The following CNTNAP5 variants were observed in gnomAD, a reference collection of about 807,000 sequenced individuals.
CNTNAP5 encodes contactin associated protein family member 5, also known as contactin-associated protein-like 5.
Under a neutral mutation model 150.2 loss-of-function variants are expected in CNTNAP5, and 72 were observed. That is an observed-to-expected ratio of 0.48 (90% CI 0.40 to 0.58). CNTNAP5 has a LOEUF of 0.58. Among genes scored for constraint, CNTNAP5 ranks in the 20% least tolerant of loss-of-function variants. CNTNAP5 has a pLI of 0.00. For synonymous variants in CNTNAP5, 672 were observed against 619.8 expected, an observed-to-expected ratio of 1.08 and a Z score of -1.25; for missense variants, 1,636 against 1,626.2, an observed-to-expected ratio of 1.01 and a Z score of -0.10.
chr2:124,247,132 G>A (rs181202967), intron 3 of CNTNAP5, among the ~76,000 whole-genome samples: 18 of 152,244 alleles, frequency 1.2e-4, no homozygotes, highest in Admixed American at 4.6e-4. Flanking sequence ...GATGCTCTCT[G>A]ATCTTCATGA....
In CNTNAP5 at chr2:124,110,021, C is replaced by T. The variant is rs144123020; in HGVS notation, c.82+84289C>T. Among the ~76,000 whole-genome samples the T allele has an allele frequency of 7.2e-5, 11 of 152,300 alleles. No homozygotes were observed. The East Asian group carries it at 2.1e-3, about 29-fold the overall frequency. ...CTCACAAGTACTATTGTAGGCTATT[C>T]TAAGTAGGCCACACATGTGTTCAGT... On this transcript the variant is annotated intron_variant, in intron 1 of 23. Transcript: ENST00000682447.
chr2:124,185,833 G>A (rs1341840751), intron 1 of CNTNAP5, among the ~76,000 whole-genome samples: 1 of 152,180 alleles, frequency 6.6e-6, no homozygotes, highest in Non-Finnish European at 1.5e-5. Flanking sequence ...GAGGGGGATT[G>A]TGAGCAGGTC....
intron 10 of CNTNAP5, among the ~76,000 whole-genome samples, chr2:124,528,516 G>A (rs1394798502): frequency 2.0e-5 from 3 of 152,158 alleles, no homozygotes; most frequent in Non-Finnish European, 2.9e-5. Flanking sequence ...TTTGGCATTT[G>A]AAGGCATTTG....
At chr2:124,801,097 C>G (rs903087221) in intron 19 of CNTNAP5, among the ~76,000 whole-genome samples, 1 of 152,130 alleles carries the variant, frequency 6.6e-6, no homozygotes, top group Non-Finnish European at 1.5e-5. Context: ...GGGAAAGATA[C>G]CCTGATTTAG....
intron 10 of CNTNAP5, among the ~76,000 whole-genome samples, chr2:124,547,821 G>A (rs137995849): frequency 6.6e-6 from 1 of 152,272 alleles, no homozygotes; most frequent in African/African-American, 2.4e-5. Context: ...GGGAGGGTGA[G>A]TGAAATCAAC....
chr2:124,707,203 AG>A (rs1679708376), intron 13 of CNTNAP5, among the ~76,000 whole-genome samples: 2 of 146,056 alleles, frequency 1.4e-5, no homozygotes, highest in Admixed American at 1.4e-4. Flanking sequence ...AAGAAGAAGA[AG>A]AATAAACAAC....
chr2:124,609,742 C>T, intron 11 of CNTNAP5, 59 bp from the exon 12 acceptor site: 1 of 1,579,136 alleles, frequency 6.3e-7, no homozygotes, highest in Non-Finnish European at 8.6e-7. Flanking sequence ...TTACTGATTC[C>T]TGCAAAGGGA....
intron 17 of CNTNAP5, among the ~76,000 whole-genome samples, chr2:124,785,598 T>C (rs1171640249): frequency 1.3e-5 from 2 of 151,952 alleles, no homozygotes; most frequent in Non-Finnish European, 2.9e-5. Context: ...AGGTGCAAAG[T>C]CTAGATAGGC....
At chr2:124,872,294 C>G (rs894986027) in intron 21 of CNTNAP5, among the ~76,000 whole-genome samples, 3 of 151,288 alleles carry the variant, frequency 2.0e-5, no homozygotes, top group Non-Finnish European at 4.4e-5. Flanking sequence ...CTGATAATTC[C>G]AACATCTGAA....
intron 1 of CNTNAP5, among the ~76,000 whole-genome samples, chr2:124,217,600 C>T (rs1316819518): frequency 6.6e-6 from 1 of 152,138 alleles, no homozygotes; most frequent in African/African-American, 2.4e-5. Context: ...TATTACCCCT[C>T]CACTTCACCT....
At chr2:124,524,170 T>C (rs1032736431) in intron 8 of CNTNAP5, 133 bp from the exon 9 acceptor site, 25 of 746,040 alleles carry the variant, frequency 3.4e-5, no homozygotes, top group Middle Eastern at 3.8e-4. Context: ...TTCCAAGGGC[T>C]TGTATCCAGC....
intron 1 of CNTNAP5, among the ~76,000 whole-genome samples, chr2:124,030,358 T>C (rs1048084179): frequency 1.3e-5 from 2 of 152,160 alleles, no homozygotes; most frequent in Non-Finnish European, 2.9e-5. Flanking sequence ...TAGGTATACT[T>C]ACAGATCCAG....
intron 3 of CNTNAP5, among the ~76,000 whole-genome samples, chr2:124,391,041 G>A (rs779227512): frequency 5.9e-5 from 9 of 152,252 alleles, no homozygotes; most frequent in Admixed American, 3.3e-4. Flanking sequence ...AACCAGCGGC[G>A]GTTTAAATCT....
chr2:124,694,272 C>T (rs370334371), intron 13 of CNTNAP5, among the ~76,000 whole-genome samples: 1 of 151,980 alleles, frequency 6.6e-6, no homozygotes, highest in Non-Finnish European at 1.5e-5. Flanking sequence ...TTATTTAGTT[C>T]TTTGATGAGG....
Position 124,474,842 on chromosome 2 carries a change from T to C in CNTNAP5, c.1022T>C (p.Ile341Thr), listed in dbSNP as rs1346149580. The C allele has an allele frequency of 1.1e-5, 18 of 1,607,036 alleles. No individual in the cohort carries two copies. The highest frequency in any genetic ancestry group is 1.4e-5 in the Non-Finnish European group (17 of 1,177,818). Residue 341 changes from isoleucine (I) to threonine (T), a missense_variant, in exon 7 of 24, where the codon ATT (isoleucine) becomes ACT (threonine). Coordinates refer to ENST00000682447, the MANE Select transcript of CNTNAP5 (RefSeq NM_001367498.1). ...CTTTACTACAATGGAGTAAACATAA[T>C]TGACCTGGCTAAGAGACGAAAGCAT... ...ENLYYNGVNI[I>T]DLAKRRKHQI...
Position 124,390,839 on chromosome 2 carries a change from C to T in CNTNAP5, c.382-26604C>T, listed in dbSNP as rs59234825. 1.7e-3 allele frequency among the ~76,000 whole-genome samples: 264 copies of T among 152,206 alleles called. 1 individual carries two copies. The highest frequency in any genetic ancestry group is 6.1e-3 in the African/African-American group (255 of 41,534). On this transcript the variant is annotated intron_variant, in intron 3 of 23. Coordinates refer to ENST00000682447, the MANE Select transcript of CNTNAP5 (RefSeq NM_001367498.1). ...TACAATATATAAAAACCAGGCTCAA[C>T]AATATTTTTGTACAACATTCAGGAA...
At chr2:124,244,249 GT>G (rs1254549989) in intron 3 of CNTNAP5, among the ~76,000 whole-genome samples, 1 of 152,038 alleles carries the variant, frequency 6.6e-6, no homozygotes, top group African/African-American at 2.4e-5. Context: ...CTTTCCCTGT[GT>G]TTCTAAATGA....
In CNTNAP5 at chr2:124,706,846, G is replaced by GAA. The variant is rs1558743148; in HGVS notation, c.2078-40383_2078-40382insAA. Among the ~76,000 whole-genome samples, 98 of 45,642 alleles carry GAA rather than the reference G, an allele frequency of 2.1e-3. 9 individuals are homozygous for GAA. Among genetic ancestry groups the GAA allele is most frequent in the African/African-American group, 9.1e-3 (97 of 10,664 alleles). The allele number at this position is 45,642 out of a possible 152,430, so 29.9% of individuals were successfully genotyped here. A position where few individuals can be genotyped will look rare whatever the true frequency, so the allele number is the denominator to read the frequency against. ...GGAGGAAGAGGAGGAGGGGGAGGAA[G>GAA]GAGGAGGAGGAGAAGGAGAAGGGGA... On this transcript the variant is annotated intron_variant, in intron 13 of 23. Transcript: ENST00000682447.
intron 2 of CNTNAP5, among the ~76,000 whole-genome samples, chr2:124,232,760 T>C (rs1686654907): frequency 6.6e-6 from 1 of 152,156 alleles, no homozygotes; most frequent in African/African-American, 2.4e-5. Context: ...CTTTTATCAT[T>C]TGTTTTGCTA....
Sources: allele counts gnomAD v4.1 joint callset (sites outside exome capture counted in the v4.1 genomes callset), GRCh38; gene constraint gnomAD v4.1.1; transcripts MANE v1.5; gene names NCBI Gene and HGNC (gene_info 2026-07-23, HGNC 2026-07-21).